YEATS2: variants seen among roughly 807,000 people sequenced by gnomAD.
YEATS2 encodes the protein YEATS domain containing 2, also known as YEATS domain-containing protein 2.
In YEATS2, 77 loss-of-function variants were observed where a neutral mutation model predicts 163.2. That is an observed-to-expected ratio of 0.47 (90% CI 0.39 to 0.57). The LOEUF is 0.57. YEATS2 is among the 20% of genes least tolerant of loss of function. YEATS2 has a pLI of 0.00. For missense variants in YEATS2, 1,549 were observed against 1,729.8 expected, an observed-to-expected ratio of 0.90 and a Z score of 1.85; for synonymous variants, 631 against 645.1, an observed-to-expected ratio of 0.98 and a Z score of 0.33.
At chr3:183,762,854 C>A (rs1274858440) in intron 15 of YEATS2, among the ~76,000 whole-genome samples, 3 of 151,874 alleles carry the variant, frequency 2.0e-5, no homozygotes, top group Non-Finnish European at 4.4e-5. Context: ...GAGTTCGAGA[C>A]CAGCCTGACC....
At position 183,790,799 on chromosome 3, in the gene YEATS2, T is replaced by C; in HGVS notation, c.2916T>C (p.Ser972=). 1 of 1,613,702 alleles carries C rather than the reference T, an allele frequency of 6.2e-7. No individual in the cohort carries two copies. The highest frequency in any genetic ancestry group is 1.1e-5 in the South Asian group (1 of 91,054). ...ALSANGPAQQ[S]EGMAPVSSST... ...TTTCGGACCCCATGGGTGAGCAGTCTGAAGGAATGGCTCCCGTGTCTTCAT... is the reference window on the plus strand; with the variant it reads ...TTTCGGACCCCATGGGTGAGCAGTCCGAAGGAATGGCTCCCGTGTCTTCAT... Residue 972 remains serine (S), a splice_region_variant and synonymous_variant, in exon 21 of 31, where the codon TCT becomes TCC. Transcript: ENST00000305135.
Position 183,756,601 on chromosome 3 carries a change from A to C in YEATS2, c.1464A>C (p.Gln488His), listed in dbSNP as rs1188411436. 1.9e-6 allele frequency: 3 copies of C among 1,607,568 alleles called. No individual in the cohort carries two copies. Among genetic ancestry groups the C allele is most frequent in the Non-Finnish European group, 2.5e-6 (3 of 1,177,028 alleles). ...TPTSTPVHVK[Q>H]GTAGSVINNP... The stretch of plus-strand genomic sequence containing the variant: ...CTTCCACTCCAGTCCACGTGAAGCA[A>C]GGCACTGCCGGCTCTGTTATTAATA... Residue 488 changes from glutamine (Q) to histidine (H), a missense_variant, in exon 12 of 31, where the codon CAA (glutamine) becomes CAC (histidine). Physicochemically the swap from Gln to His is conservative, Grantham distance 24. Transcript: ENST00000305135.
intron 19 of YEATS2, among the ~76,000 whole-genome samples, chr3:183,785,889 C>T (rs901993583): frequency 6.6e-6 from 1 of 152,124 alleles, no homozygotes; most frequent in Non-Finnish European, 1.5e-5. Flanking sequence ...CAAATAGTAA[C>T]TTGCAAATGC....
rs757057730 is a variant in YEATS2, at chr3:183,790,907, C to T, written c.3024C>T (p.Ala1008=). ...SQATVGTCKA[A]TPTVVSATSL... is the part of the protein sequence containing the mutation. The stretch of plus-strand genomic sequence containing the variant: ...CCACCGTGGGAACCTGCAAGGCTGC[C>T]ACCCCCACCGTCGTCAGCGCCACGT... The change falls in exon 21 of 31, where the codon GCC becomes GCT. Residue 1008 remains alanine, a synonymous_variant. Coordinates refer to ENST00000305135, the MANE Select transcript of YEATS2 (RefSeq NM_018023.5). 2 of 1,614,188 alleles carry T rather than the reference C, an allele frequency of 1.2e-6. No individual in the cohort carries two copies. The highest frequency in any genetic ancestry group is 1.1e-5 in the South Asian group (1 of 91,084).
At position 183,724,494 on chromosome 3, in the gene YEATS2, T is replaced by G. The variant is rs553900191; in HGVS notation, c.613T>G (p.Phe205Val). The change falls in exon 6 of 31, where the codon TTT (phenylalanine) becomes GTT (valine). Residue 205 changes from phenylalanine to valine, a missense_variant. By Grantham distance (50) the Phe-to-Val change is conservative (BLOSUM62 -1). Transcript: ENST00000305135. ...TCTCACAGATGAGACTTCACGACTTTTTGTAAAGAAAACAATAGTAGTGGG... is the reference window on the plus strand; with the variant it reads ...TCTCACAGATGAGACTTCACGACTTGTTGTAAAGAAAACAATAGTAGTGGG... ...ADLTDETSRLFVKKTIVVGNV... is the reference protein window; with the variant it reads ...ADLTDETSRLVVKKTIVVGNV... 6.2e-7 allele frequency: 1 copy of G among 1,613,798 alleles called. No individual in the cohort carries two copies. The highest frequency in any genetic ancestry group is 1.3e-5 in the African/African-American group (1 of 75,050).
intron 25 of YEATS2, chr3:183,802,156 T>C (rs1725720531): frequency 6.6e-6 from 1 of 152,430 alleles, no homozygotes; most frequent in African/African-American, 2.4e-5. Context: ...AGTAAATTGC[T>C]GCTTAGCCCC....
chr3:183,810,431 G>C (rs148923658), intron 30 of YEATS2, 44 bp from the exon 31 acceptor site: 1 of 1,524,500 alleles, frequency 6.6e-7, no homozygotes. Flanking sequence ...TGAGATATAC[G>C]TGAGAGAATT....
intron 12 of YEATS2, among the ~76,000 whole-genome samples, chr3:183,756,928 TAATG>T (rs1208639449): frequency 6.6e-6 from 1 of 152,242 alleles, no homozygotes; most frequent in Non-Finnish European, 1.5e-5. Flanking sequence ...AAATAAGCCA[TAATG>T]AATGTTCTTA....
Position 183,786,143 on chromosome 3 carries a change from G to A in YEATS2, c.2755G>A (p.Ala919Thr), listed in dbSNP as rs775264092. ...LFTQAAHGGQ[A>T]SLMKISDSTL... ...TCTGCAGGCAGCCCATGGAGGACAGGCATCTCTAATGAAAATATCCGATAG... is the reference window on the plus strand; with the variant it reads ...TCTGCAGGCAGCCCATGGAGGACAGACATCTCTAATGAAAATATCCGATAG... Residue 919 changes from alanine (A) to threonine (T), a missense_variant, in exon 20 of 31, where the codon GCA (alanine) becomes ACA (threonine). By Grantham distance (58) the Ala-to-Thr change is moderately conservative. Transcript: ENST00000305135. The A allele has an allele frequency of 1.9e-6, 3 of 1,613,346 alleles. No homozygotes were observed. Among genetic ancestry groups the A allele is most frequent in the African/African-American group, 1.3e-5 (1 of 74,912 alleles).
intron 21 of YEATS2, among the ~76,000 whole-genome samples, chr3:183,797,085 A>G (rs144294777): frequency 0.044 from 6,748 of 151,768 alleles, 198 homozygotes; most frequent in Middle Eastern, 0.082. Context: ...CCTGGCCAAC[A>G]TGGCGAAACA....
At chr3:183,737,311 A>C (rs146763028) in intron 8 of YEATS2, among the ~76,000 whole-genome samples, 20 of 152,326 alleles carry the variant, frequency 1.3e-4, no homozygotes, top group African/African-American at 4.6e-4. Flanking sequence ...CTGTATTCAA[A>C]GTGGGAGTGT....
intron 6 of YEATS2, among the ~76,000 whole-genome samples, chr3:183,727,772 C>T (rs1717270345): frequency 6.6e-6 from 1 of 152,102 alleles, no homozygotes. Flanking sequence ...TTTCAGAGGG[C>T]AGGAAACTAG....
chr3:183,749,191 T>C lies in YEATS2; in HGVS notation c.969+1475T>C, dbSNP rs540476307. ...ATATCCTGACCTTGTGATCCGCCCA[T>C]CTCGGCCTCCCAAAGTGCTGGGATT... is the stretch of plus-strand genomic sequence containing the variant. On this transcript the variant is annotated intron_variant, in intron 9 of 30. Transcript: ENST00000305135. 9.2e-4 allele frequency among the ~76,000 whole-genome samples: 139 copies of C among 151,646 alleles called. 1 individual carries two copies. Among genetic ancestry groups the C allele is most frequent in the African/African-American group, 3.2e-3 (131 of 41,320 alleles).
chr3:183,762,201 G>A lies in YEATS2; in HGVS notation c.1869G>A (p.Met623Ile). ...PQYVTVKGGH[M>I]IAVSPQKQVI... ...ATGTGACTGTGAAAGGGGGTCACATGATAGCTGTGTCCCCTCAAAAACAGG... is the reference window on the plus strand; with the variant it reads ...ATGTGACTGTGAAAGGGGGTCACATAATAGCTGTGTCCCCTCAAAAACAGG... Residue 623 changes from methionine (M) to isoleucine (I), a missense_variant, in exon 15 of 31, where the codon ATG (methionine) becomes ATA (isoleucine). Met to Ile is a conservative substitution (Grantham distance 10, BLOSUM62 1). Coordinates refer to ENST00000305135, the MANE Select transcript of YEATS2 (RefSeq NM_018023.5). 1 of 1,614,192 alleles carries A rather than the reference G, an allele frequency of 6.2e-7. No homozygotes were observed. Among genetic ancestry groups the A allele is most frequent in the South Asian group, 1.1e-5 (1 of 91,086 alleles).
At chr3:183,734,903 A>T (rs1295961942) in intron 7 of YEATS2, among the ~76,000 whole-genome samples, 1 of 152,198 alleles carries the variant, frequency 6.6e-6, no homozygotes, top group African/African-American at 2.4e-5. Flanking sequence ...GAAGTATTGA[A>T]GTTTGTTCGG....
chr3:183,702,765 C>T (rs563973980), intron 1 of YEATS2, among the ~76,000 whole-genome samples: 296 of 151,296 alleles, frequency 2.0e-3, no homozygotes, highest in Admixed American at 3.6e-3. Flanking sequence ...ACCCGGGAGG[C>T]GGAGGTTGCA....
chr3:183,803,686 A>G (rs530959664), intron 26 of YEATS2: 1 of 501,912 alleles, frequency 2.0e-6, no homozygotes, highest in African/African-American at 1.9e-5. Context: ...GAAGATCCTT[A>G]CAGTGGGAAG....
rs200041197 is a variant in YEATS2, at chr3:183,770,481, T to TA, written c.1948-1823dup. Reference sequence around the variant, plus strand: ...ATAATCTTATTTTAAAATTTAGAAATACTCTAAAATTCCAGTAACATATGT... The same window carrying TA: ...ATAATCTTATTTTAAAATTTAGAAATAACTCTAAAATTCCAGTAACATATGT... On this transcript the variant is annotated intron_variant, in intron 15 of 30. Coordinates refer to ENST00000305135, the MANE Select transcript of YEATS2 (RefSeq NM_018023.5). Among the ~76,000 whole-genome samples, 1,423 of 152,342 alleles carry TA rather than the reference T, an allele frequency of 9.3e-3. 19 individuals carry two copies. Among genetic ancestry groups the TA allele is most frequent in the African/African-American group, 0.032 (1,340 of 41,582 alleles).
At chr3:183,796,889 C>CT (rs34902156) in intron 21 of YEATS2, among the ~76,000 whole-genome samples, 1 of 152,032 alleles carries the variant, frequency 6.6e-6, no homozygotes, top group Non-Finnish European at 1.5e-5. Flanking sequence ...ACTTTTTATC[C>CT]TTTTTACTAG....
Sources: gnomAD v4.1 joint callset for allele counts (sites outside exome capture counted in the v4.1 genomes callset) on GRCh38, gnomAD v4.1.1 for gene constraint, MANE v1.5 for transcripts, NCBI Gene and HGNC (gene_info 2026-07-23, HGNC 2026-07-21) for gene names.